The following RBFOX1 variants were observed in gnomAD, a reference collection of about 807,000 sequenced individuals.
RBFOX1 encodes the protein RNA binding fox-1 homolog 1.
In RBFOX1, 8 loss-of-function variants were observed where a neutral mutation model predicts 57.7. The observed-to-expected ratio is 0.14, with a 90% CI of 0.08 to 0.25. RBFOX1 has a LOEUF of 0.25. RBFOX1 is among the 10% of genes least tolerant of loss of function. The pLI is 1.00. For missense variants in RBFOX1, 611 were observed against 548.5 expected, an observed-to-expected ratio of 1.11 and a Z score of -1.14; for synonymous variants, 326 against 222.4, an observed-to-expected ratio of 1.47 and a Z score of -4.15.
intron 4 of RBFOX1, among the ~76,000 whole-genome samples, chr16:5,994,603 T>A (rs1034655012): frequency 2.6e-5 from 4 of 152,200 alleles, no homozygotes; most frequent in African/African-American, 7.2e-5. Flanking sequence ...GCTGTGTAGG[T>A]CCTACAGTCT....
intron 2 of RBFOX1, among the ~76,000 whole-genome samples, chr16:6,454,029 C>G (rs2094699669): frequency 1.3e-5 from 2 of 152,194 alleles, no homozygotes; most frequent in African/African-American, 4.8e-5. Flanking sequence ...TGGCCGTCTT[C>G]TCTCTGGGTT....
chr16:6,534,772 T>G (rs1425200643), intron 2 of RBFOX1, among the ~76,000 whole-genome samples: 5 of 152,190 alleles, frequency 3.3e-5, no homozygotes. Context: ...TTCTATGCAC[T>G]TTGACTGGGG....
chr16:5,396,496 G>T (rs2151429582), intron 1 of RBFOX1, among the ~76,000 whole-genome samples: 1 of 152,254 alleles, frequency 6.6e-6, no homozygotes, highest in African/African-American at 2.4e-5. Flanking sequence ...AAAAAAATTA[G>T]CTGGGTGTGG....
chr16:5,843,660 G>A (rs903854327), intron 3 of RBFOX1, among the ~76,000 whole-genome samples: 2 of 152,142 alleles, frequency 1.3e-5, no homozygotes, highest in African/African-American at 4.8e-5. Flanking sequence ...TTATACCCAA[G>A]CCATTCCTTG....
chr16:5,874,865 G>T (rs1417122888), intron 4 of RBFOX1, among the ~76,000 whole-genome samples: 1 of 152,076 alleles, frequency 6.6e-6, no homozygotes, highest in Non-Finnish European at 1.5e-5. Flanking sequence ...GGATCACTTG[G>T]GACCCAGGAG....
chr16:5,777,261 C>G (rs2054178290), intron 3 of RBFOX1, among the ~76,000 whole-genome samples: 1 of 152,188 alleles, frequency 6.6e-6, no homozygotes, highest in Admixed American at 6.5e-5. Context: ...TGGCCCCTTC[C>G]TCTACCTTCA....
At chr16:6,579,491 C>T (rs557012048) in intron 2 of RBFOX1, among the ~76,000 whole-genome samples, 1 of 152,286 alleles carries the variant, frequency 6.6e-6, no homozygotes, top group East Asian at 1.9e-4. Flanking sequence ...TACTTCCATG[C>T]TGTTCTTGGG....
intron 4 of RBFOX1, among the ~76,000 whole-genome samples, chr16:7,088,609 C>G (rs2060340585): frequency 6.6e-6 from 1 of 151,500 alleles, no homozygotes; most frequent in Non-Finnish European, 1.5e-5. Flanking sequence ...TTATGAATTA[C>G]AATATTTAAC....
intron 1 of RBFOX1, among the ~76,000 whole-genome samples, chr16:6,150,132 T>C (rs2096787406): frequency 6.6e-6 from 1 of 152,152 alleles, no homozygotes; most frequent in Admixed American, 6.5e-5. Context: ...TATGTGATGT[T>C]AGCAGCCTAG....
intron 3 of RBFOX1, among the ~76,000 whole-genome samples, chr16:7,030,879 A>C (rs1330059923): frequency 6.6e-6 from 1 of 152,184 alleles, no homozygotes; most frequent in African/African-American, 2.4e-5. Flanking sequence ...GGAGATAAGG[A>C]TAGGGAAATG....
intron 4 of RBFOX1, among the ~76,000 whole-genome samples, chr16:7,456,712 G>A (rs2058579909): frequency 6.6e-6 from 1 of 152,100 alleles, no homozygotes; most frequent in African/African-American, 2.4e-5. Context: ...TGAGCTTGAT[G>A]GGTGCCCGTA....
intron 4 of RBFOX1, among the ~76,000 whole-genome samples, chr16:7,285,429 G>C (rs1243099419): frequency 6.6e-6 from 1 of 151,516 alleles, no homozygotes; most frequent in Non-Finnish European, 1.5e-5. Context: ...AGTTTTATCT[G>C]GTTTTGTAGA....
At chr16:6,460,127 C>G (rs1450186987) in intron 2 of RBFOX1, among the ~76,000 whole-genome samples, 1 of 148,600 alleles carries the variant, frequency 6.7e-6, no homozygotes, top group Non-Finnish European at 1.5e-5. Flanking sequence ...GACTTGGCAG[C>G]TTAAGTAACA....
intron 4 of RBFOX1, among the ~76,000 whole-genome samples, chr16:5,993,758 G>T (rs577756491): frequency 1.3e-5 from 2 of 152,266 alleles, no homozygotes; most frequent in Non-Finnish European, 1.5e-5. Flanking sequence ...GCATTTTCCT[G>T]AGCAGTGCCG....
At chr16:6,226,946 TAA>T (rs573474385) in intron 1 of RBFOX1, among the ~76,000 whole-genome samples, 31 of 100,990 alleles carry the variant, frequency 3.1e-4, no homozygotes, top group Non-Finnish European at 2.5e-4. Flanking sequence ...CCATCTCTAC[TAA>T]AAAAAAAAAA....
chr16:6,121,137 T>A (rs1484475637), intron 1 of RBFOX1, among the ~76,000 whole-genome samples: 1 of 152,216 alleles, frequency 6.6e-6, no homozygotes, highest in African/African-American at 2.4e-5. Context: ...TGGTGTGTCC[T>A]GTATGTCCAG....
chr16:7,665,573 CTTTAAG>C (rs2069000970), intron 13 of RBFOX1, among the ~76,000 whole-genome samples: 3 of 152,034 alleles, frequency 2.0e-5, no homozygotes, highest in African/African-American at 4.8e-5. Context: ...AATAGTAACA[CTTTAAG>C]TTTATTTTTA....
At chr16:5,768,816 A>G (rs781481347) in intron 3 of RBFOX1, among the ~76,000 whole-genome samples, 6 of 152,190 alleles carry the variant, frequency 3.9e-5, no homozygotes, top group Admixed American at 6.5e-5. Context: ...TCCACGGAAC[A>G]TGGGTATGAG....
intron 3 of RBFOX1, among the ~76,000 whole-genome samples, chr16:6,892,647 G>C (rs1423971663): frequency 6.6e-6 from 1 of 151,870 alleles, no homozygotes; most frequent in Non-Finnish European, 1.5e-5. Flanking sequence ...TCCAGCCTGG[G>C]CAACAGAGCA....
Sources: gnomAD v4.1 joint callset for allele counts (sites outside exome capture counted in the v4.1 genomes callset) on GRCh38, gnomAD v4.1.1 for gene constraint, MANE v1.5 for transcripts, NCBI Gene and HGNC (gene_info 2026-07-23, HGNC 2026-07-21) for gene names.